The following PHF21A variants were observed in gnomAD, a reference collection of about 807,000 sequenced individuals.
The protein encoded by PHF21A is PHD finger protein 21A, also known as BHC80a.
A neutral mutation model predicts 82.5 loss-of-function variants in PHF21A; 11 were observed. The observed-to-expected ratio is 0.13, with a 90% CI of 0.08 to 0.22. The LOEUF is 0.22. Ranked by LOEUF, PHF21A falls within the 10% of genes least tolerant of loss-of-function variation. The pLI is 1.00. For missense variants in PHF21A, 579 were observed against 837.8 expected (o/e 0.69, Z 3.81); for synonymous variants, 297 against 302.8 (o/e 0.98, Z 0.20).
chr11:46,008,546 C>A (rs930762518), intron 6 of PHF21A, among the ~76,000 whole-genome samples: 21 of 152,052 alleles, frequency 1.4e-4, no homozygotes, highest in Admixed American at 1.2e-3. Flanking sequence ...AAAGAGTCTG[C>A]TTTGATTGGC....
At chr11:46,039,689 A>G (rs1412906111) in intron 6 of PHF21A, among the ~76,000 whole-genome samples, 7 of 152,176 alleles carry the variant, frequency 4.6e-5, no homozygotes, top group Admixed American at 6.5e-5. Flanking sequence ...ATTGCACTCC[A>G]CCCTTCTCAG....
At chr11:45,982,955 T>C (rs930829134) in intron 6 of PHF21A, among the ~76,000 whole-genome samples, 4 of 152,158 alleles carry the variant, frequency 2.6e-5, no homozygotes, top group African/African-American at 9.7e-5. Flanking sequence ...TCTACAGCCA[T>C]CCTTAGGAAA....
At position 46,076,730 on chromosome 11, in the gene PHF21A, T is replaced by C. The variant is rs780270638; in HGVS notation, c.153+24A>G. On this transcript the variant is annotated intron_variant, in intron 6 of 18. Coordinates refer to ENST00000676320, the MANE Select transcript of PHF21A (RefSeq NM_001352027.3). ...TCTTTAGAACACAACGTTAAAAATA[T>C]GCCCCCCTCCCCTTTTCCCCTACCT... is the stretch of plus-strand genomic sequence containing the variant. 3.1e-6 allele frequency: 5 copies of C among 1,588,212 alleles called. No homozygotes were observed. The East Asian group carries it at 9.0e-5, about 28-fold the overall frequency.
chr11:46,086,876 T>A (rs888419733), intron 3 of PHF21A, among the ~76,000 whole-genome samples: 3 of 152,170 alleles, frequency 2.0e-5, no homozygotes, highest in African/African-American at 7.2e-5. Flanking sequence ...TTTATATATT[T>A]AGGGCCCTCA....
At chr11:46,020,200 G>A (rs775815335) in intron 6 of PHF21A, among the ~76,000 whole-genome samples, 3 of 152,080 alleles carry the variant, frequency 2.0e-5, no homozygotes, top group Non-Finnish European at 4.4e-5. Context: ...GGCATCAGTG[G>A]TGTCATTTCC....
At chr11:46,085,998 A>C (rs1458587068) in intron 3 of PHF21A, among the ~76,000 whole-genome samples, 1 of 152,184 alleles carries the variant, frequency 6.6e-6, no homozygotes, top group Non-Finnish European at 1.5e-5. Context: ...GGATAGGAAA[A>C]ATTTACTGTA....
chr11:46,033,611 G>C (rs1490867371), intron 6 of PHF21A, among the ~76,000 whole-genome samples: 1 of 152,162 alleles, frequency 6.6e-6, no homozygotes, highest in Non-Finnish European at 1.5e-5. Context: ...TCTCATGCAA[G>C]TCCTTCTGTA....
chr11:46,090,359 T>G (rs1348838862), intron 3 of PHF21A, 96 bp downstream of exon 3: 2 of 152,102 alleles, frequency 1.3e-5, no homozygotes, highest in East Asian at 3.9e-4. Flanking sequence ...CAATAAATAC[T>G]TAATAGAAGT....
At chr11:46,068,829 T>C (rs2096624415) in intron 6 of PHF21A, among the ~76,000 whole-genome samples, 1 of 152,214 alleles carries the variant, frequency 6.6e-6, no homozygotes. Flanking sequence ...TACAAGAGGA[T>C]TGCTCTGCCT....
Position 46,014,796 on chromosome 11 carries a change from C to A in PHF21A, c.154-34830G>T, listed in dbSNP as rs944875159. Among the ~76,000 whole-genome samples, 3 of 103,312 alleles carry A rather than the reference C, an allele frequency of 2.9e-5. 1 individual carries two copies. The highest frequency in any genetic ancestry group is 5.3e-5 in the Non-Finnish European group (3 of 57,106). 67.8% of individuals were successfully genotyped at this position (103,312 alleles called of 152,430 possible). On this transcript the variant is annotated intron_variant, in intron 6 of 18. Coordinates refer to ENST00000676320, the MANE Select transcript of PHF21A (RefSeq NM_001352027.3). Reference sequence around the variant, plus strand: ...GAGATCGAGACCATCCCGGCTAAAACGGTGAAACCCCGTCTCTACTAAAAA... The same window carrying A: ...GAGATCGAGACCATCCCGGCTAAAAAGGTGAAACCCCGTCTCTACTAAAAA...
chr11:46,097,367 C>T (rs1028634712), intron 1 of PHF21A, among the ~76,000 whole-genome samples: 1 of 152,084 alleles, frequency 6.6e-6, no homozygotes, highest in African/African-American at 2.4e-5. Flanking sequence ...CCCTATCGCT[C>T]AATCCTTTCC....
intron 7 of PHF21A, 66 bp downstream of exon 7, chr11:45,979,694 T>C (rs2094196468): frequency 1.2e-6 from 2 of 1,609,788 alleles, no homozygotes; most frequent in Non-Finnish European, 8.5e-7. Context: ...CAGGACCCAG[T>C]TCTATATGAC....
chr11:46,067,281 A>AT, intron 6 of PHF21A, among the ~76,000 whole-genome samples: 1 of 152,208 alleles, frequency 6.6e-6, no homozygotes, highest in Non-Finnish European at 1.5e-5. Context: ...ACGACACAGC[A>AT]TAACAAGTAT....
intron 6 of PHF21A, among the ~76,000 whole-genome samples, chr11:46,013,910 G>A (rs2095462884): frequency 6.6e-6 from 1 of 152,150 alleles, no homozygotes; most frequent in African/African-American, 2.4e-5. Context: ...TGAGTGGTTA[G>A]TAAATGTGAA....
intron 6 of PHF21A, among the ~76,000 whole-genome samples, chr11:46,041,674 C>T (rs2096143776): frequency 1.3e-5 from 2 of 152,132 alleles, no homozygotes; most frequent in South Asian, 4.1e-4. Flanking sequence ...ACAAAGAAAA[C>T]ATTTATTTTT....
chr11:46,024,303 T>C (rs1323182130), intron 6 of PHF21A, among the ~76,000 whole-genome samples: 1 of 152,194 alleles, frequency 6.6e-6, no homozygotes, highest in Non-Finnish European at 1.5e-5. Flanking sequence ...TCTCTCCCTA[T>C]ATCTCTTTCC....
At position 45,945,924 on chromosome 11, in the gene PHF21A, G is replaced by A; in HGVS notation, c.1368C>T (p.Ser456=). 2 of 1,612,988 alleles carry A rather than the reference G, an allele frequency of 1.2e-6. No individual in the cohort carries two copies. Among genetic ancestry groups the A allele is most frequent in the Non-Finnish European group, 1.7e-6 (2 of 1,179,538 alleles). ...TGGTCTCTGTCTTTTCATTTTCAGG[G>A]GAGTCAGGATGACTGGATTGGGGGG... ...PTSPQSSHPD[S]PENEKTETTF... is the part of the protein sequence containing the mutation. The change falls in exon 15 of 19, where the codon TCC becomes TCT. Residue 456 remains serine (S), a synonymous_variant. Coordinates refer to ENST00000676320, the MANE Select transcript of PHF21A (RefSeq NM_001352027.3).
At chr11:46,104,274 C>T (rs999795924) in intron 1 of PHF21A, among the ~76,000 whole-genome samples, 25 of 152,126 alleles carry the variant, frequency 1.6e-4, no homozygotes, top group Middle Eastern at 3.4e-3. Context: ...TTTGCCAGAC[C>T]CAATGGACTG....
intron 6 of PHF21A, among the ~76,000 whole-genome samples, chr11:46,026,388 T>G (rs1247213042): frequency 6.6e-6 from 1 of 152,138 alleles, no homozygotes; most frequent in Non-Finnish European, 1.5e-5. Context: ...TGACAATGAA[T>G]AGGACTTAGA....
Sources: allele counts gnomAD v4.1 joint callset (sites outside exome capture counted in the v4.1 genomes callset), GRCh38; gene constraint gnomAD v4.1.1; transcripts MANE v1.5; gene names NCBI Gene and HGNC (gene_info 2026-07-23, HGNC 2026-07-21).